GAB4: variants seen among roughly 807,000 people sequenced by gnomAD.
GAB4 encodes GRB2 associated binding protein family member 4.
Under a neutral mutation model 51.3 loss-of-function variants are expected in GAB4, and 26 were observed. The ratio of observed to expected loss-of-function variants is 0.51; its 90% CI spans 0.37 to 0.70. The LOEUF (loss-of-function observed/expected upper bound fraction) is 0.70. GAB4 is among the 30% of genes least tolerant of loss of function. The pLI, the probability that GAB4 is intolerant of heterozygous loss-of-function variation, is 0.00. For synonymous variants in GAB4, 329 were observed against 291.2 expected, an observed-to-expected ratio of 1.13 and a Z score of -1.32; for missense variants, 759 against 734.6, an observed-to-expected ratio of 1.03 and a Z score of -0.38.
intron 3 of GAB4, among the ~76,000 whole-genome samples, chr22:16,979,406 C>T (rs1217649640): frequency 3.3e-5 from 5 of 152,142 alleles, no homozygotes; most frequent in Admixed American, 2.6e-4. Context: ...CCTGAGTGAA[C>T]TCCCAATCAC....
chr22:16,966,550 A>C, intron 5 of GAB4, 186 bp from the exon 6 acceptor site: 1 of 615,580 alleles, frequency 1.6e-6, no homozygotes. Context: ...CCAGCCAGGA[A>C]CCCCATGGAT....
intron 5 of GAB4, 54 bp downstream of exon 5, chr22:16,968,244 G>A: frequency 2.5e-6 from 3 of 1,212,394 alleles, no homozygotes; most frequent in Non-Finnish European, 1.2e-6. Flanking sequence ...TCCATGGAGT[G>A]TGACCTTTAC....
At chr22:16,993,357 C>T (rs145649142) in intron 1 of GAB4, among the ~76,000 whole-genome samples, 5 of 152,268 alleles carry the variant, frequency 3.3e-5, no homozygotes, top group South Asian at 2.1e-4. Flanking sequence ...CAAACAAACT[C>T]GAACCACTTG....
intron 3 of GAB4, among the ~76,000 whole-genome samples, chr22:16,975,578 G>A (rs970521648): frequency 3.3e-5 from 5 of 152,328 alleles, no homozygotes; most frequent in Admixed American, 6.5e-5. Flanking sequence ...AGCTGTGGGC[G>A]CAGTTTCAGC....
Position 16,968,387 on chromosome 22 carries a change from C to T in GAB4, c.938-4G>A, listed in dbSNP as rs371551339. The T allele has an allele frequency of 4.8e-5, 77 of 1,611,994 alleles. No homozygotes were observed. The African/African-American group carries it at 8.9e-4, about 19-fold the overall frequency. On this transcript the variant is annotated splice_region_variant and splice_polypyrimidine_tract_variant and intron_variant, in intron 4 of 9. Transcript: ENST00000400588. ...TGGGTGTACTTGCCGGAGGAAGCTA[C>T]GACAGAGGAAGGAGATCCACATGCA...
intron 9 of GAB4, among the ~76,000 whole-genome samples, chr22:16,963,131 G>C (rs2060642525): frequency 6.6e-6 from 1 of 152,200 alleles, no homozygotes; most frequent in African/African-American, 2.4e-5. Context: ...TCTGGCCCAA[G>C]GACTGGCCAA....
In GAB4 at chr22:17,008,073, T is replaced by TG. The variant is rs757879723; in HGVS notation, c.41dup (p.Pro15ThrfsTer2). On this transcript the variant is annotated frameshift_variant, in exon 1 of 10. Transcript: ENST00000400588. LOFTEE classifies it high-confidence loss of function. ...ACAAAGGCGCAAATGCCGGGTCAGG[T>TG]GGGCACAGCTCCCGGGAGGGTGAGG... 6.6e-5 allele frequency: 106 copies of TG among 1,606,696 alleles called. No individual in the cohort carries two copies. The highest frequency in any genetic ancestry group is 8.3e-5 in the Non-Finnish European group (98 of 1,176,928).
At chr22:16,999,708 G>C (rs565406781) in intron 1 of GAB4, among the ~76,000 whole-genome samples, 2 of 152,052 alleles carry the variant, frequency 1.3e-5, no homozygotes, top group African/African-American at 2.4e-5. Context: ...GCTCTTGCTT[G>C]TCTAGTTCTT....
chr22:17,003,243 A>G (rs547275050), intron 1 of GAB4, among the ~76,000 whole-genome samples: 2 of 152,120 alleles, frequency 1.3e-5, no homozygotes, highest in Non-Finnish European at 2.9e-5. Flanking sequence ...AGACTTTAAC[A>G]CCCCACTGTC....
intron 3 of GAB4, among the ~76,000 whole-genome samples, chr22:16,981,737 G>A (rs2060828993): frequency 2.0e-5 from 3 of 152,156 alleles, no homozygotes; most frequent in African/African-American, 7.2e-5. Context: ...AAATGTTGAG[G>A]AGGATGGAAT....
chr22:16,987,118 A>G (rs1262763848), intron 3 of GAB4, among the ~76,000 whole-genome samples: 2 of 152,246 alleles, frequency 1.3e-5, no homozygotes, highest in Non-Finnish European at 2.9e-5. Flanking sequence ...GATGTCATGA[A>G]GTCATCTATT....
At chr22:17,004,775 A>G (rs974084035) in intron 1 of GAB4, among the ~76,000 whole-genome samples, 5 of 152,228 alleles carry the variant, frequency 3.3e-5, no homozygotes, top group African/African-American at 1.2e-4. Context: ...CAATAGATGC[A>G]GAACAGGCCT....
At chr22:16,965,318 A>G in intron 6 of GAB4, 50 bp from the exon 7 acceptor site, 2 of 1,431,398 alleles carry the variant, frequency 1.4e-6, no homozygotes, top group Non-Finnish European at 2.0e-6. Context: ...CACCACACCC[A>G]TGTCCACTTT....
chr22:16,998,459 T>C (rs2060968384), intron 1 of GAB4, among the ~76,000 whole-genome samples: 1 of 152,200 alleles, frequency 6.6e-6, no homozygotes, highest in South Asian at 2.1e-4. Context: ...CTGTTATTGG[T>C]GTAGAGGAAT....
chr22:16,964,748 T>C lies in GAB4; in HGVS notation c.1476+18A>G, dbSNP rs1334231783. On this transcript the variant is annotated intron_variant, in intron 8 of 9. Transcript: ENST00000400588. ...GGGGACTCTGATAGGAGCCTTACAG[T>C]GACCCCCAAGGACTCACCGGGAAAA... The C allele has an allele frequency of 1.3e-6, 2 of 1,564,086 alleles. No homozygotes were observed. Among genetic ancestry groups the C allele is most frequent in the Non-Finnish European group, 1.8e-6 (2 of 1,135,722 alleles).
chr22:17,005,287 C>T (rs2061031294), intron 1 of GAB4, among the ~76,000 whole-genome samples: 1 of 152,122 alleles, frequency 6.6e-6, no homozygotes, highest in South Asian at 2.1e-4. Flanking sequence ...AGGAATACAA[C>T]CTACAAGAGA....
In GAB4 at chr22:16,965,255, C is replaced by T. The variant is rs191430521; in HGVS notation, c.1302G>A (p.Pro434=). The part of the protein sequence containing the change: ...LKPNQKANPT[P]PNLRNNRVIN... ...TGACCCTGTTGTTTCTCAGGTTGGG[C>T]GGTGTTGGGTTGGCTGGAGCAGGAA... is the stretch of plus-strand genomic sequence containing the variant. Residue 434 remains proline (P), a synonymous_variant, in exon 7 of 10, where the codon CCG becomes CCA. Coordinates refer to ENST00000400588, the MANE Select transcript of GAB4 (RefSeq NM_001037814.1). 27 of 1,613,652 alleles carry T rather than the reference C, an allele frequency of 1.7e-5. No individual in the cohort carries two copies. The highest frequency in any genetic ancestry group is 1.6e-4 in the Middle Eastern group (1 of 6,080).
chr22:16,979,979 C>T (rs1192769846), intron 3 of GAB4, among the ~76,000 whole-genome samples: 5 of 152,140 alleles, frequency 3.3e-5, no homozygotes, highest in Non-Finnish European at 4.4e-5. Flanking sequence ...GAAACTGGAC[C>T]GCTTCCTTAC....
chr22:17,005,871 C>G (rs1185670188), intron 1 of GAB4, among the ~76,000 whole-genome samples: 1 of 152,150 alleles, frequency 6.6e-6, no homozygotes, highest in African/African-American at 2.4e-5. Flanking sequence ...AGGTCGGGGT[C>G]AAGATGGATT....
Sources: allele counts gnomAD v4.1 joint callset (sites outside exome capture counted in the v4.1 genomes callset), GRCh38; gene constraint gnomAD v4.1.1; transcripts MANE v1.5; gene names NCBI Gene and HGNC (gene_info 2026-07-23, HGNC 2026-07-21).